RAD51B: variants seen among roughly 807,000 people sequenced by gnomAD.
RAD51B encodes RAD51 paralog B, also known as DNA repair protein RAD51 homolog 2.
A neutral mutation model predicts 42.2 loss-of-function variants in RAD51B; 38 were observed. That is an observed-to-expected ratio of 0.90 (90% CI 0.70 to 1.18). The LOEUF (loss-of-function observed/expected upper bound fraction) is 1.18. RAD51B is among the 50% of genes most tolerant of loss of function. RAD51B has a pLI of 0.00. For missense variants in RAD51B, 373 were observed against 400.7 expected, an observed-to-expected ratio of 0.93 and a Z score of 0.59; for synonymous variants, 154 against 145.2, an observed-to-expected ratio of 1.06 and a Z score of -0.43.
At chr14:68,418,554 G>A (rs963458262) in intron 9 of RAD51B, among the ~76,000 whole-genome samples, 2 of 152,244 alleles carry the variant, frequency 1.3e-5, no homozygotes, top group Non-Finnish European at 2.9e-5. Flanking sequence ...TACCTGGGCA[G>A]GAGATTTCTA....
chr14:68,153,190 A>G (rs987630811), intron 7 of RAD51B, among the ~76,000 whole-genome samples: 7 of 152,238 alleles, frequency 4.6e-5, no homozygotes, highest in African/African-American at 2.4e-5. Context: ...AACCTTAACA[A>G]TAGTCTTACA....
chr14:68,216,284 T>G (rs117966512), intron 7 of RAD51B, among the ~76,000 whole-genome samples: 2 of 152,314 alleles, frequency 1.3e-5, no homozygotes, highest in Non-Finnish European at 2.9e-5. Flanking sequence ...AACACTTGAC[T>G]CATGCGTTGC....
At chr14:68,327,272 T>C (rs1223667758) in intron 8 of RAD51B, among the ~76,000 whole-genome samples, 3 of 152,170 alleles carry the variant, frequency 2.0e-5, no homozygotes, top group Non-Finnish European at 4.4e-5. Context: ...GTCATTAGTT[T>C]GACCTCCCGC....
At chr14:68,367,505 G>A (rs1594736986) in intron 8 of RAD51B, among the ~76,000 whole-genome samples, 1 of 152,314 alleles carries the variant, frequency 6.6e-6, no homozygotes, top group East Asian at 1.9e-4. Flanking sequence ...GTATAAAGTA[G>A]AGCAAGGCTG....
chr14:68,064,997 A>T (rs935140360), intron 7 of RAD51B, among the ~76,000 whole-genome samples: 2 of 151,700 alleles, frequency 1.3e-5, no homozygotes, highest in Admixed American at 1.3e-4. Context: ...ATTACTGGGG[A>T]ATTGTGTCTC....
At chr14:68,664,220 G>A in intron 11 of RAD51B, among the ~76,000 whole-genome samples, 1 of 152,106 alleles carries the variant, frequency 6.6e-6, no homozygotes, top group East Asian at 1.9e-4. Context: ...TACTCTAGGA[G>A]GCTGTAGTTA....
At chr14:68,646,720 G>A (rs1020938871) in intron 10 of RAD51B, among the ~76,000 whole-genome samples, 5 of 152,062 alleles carry the variant, frequency 3.3e-5, no homozygotes, top group East Asian at 1.9e-4. Flanking sequence ...ACATTTAACC[G>A]TCTAAACTAT....
At chr14:68,542,338 G>A (rs2140369558) in intron 10 of RAD51B, among the ~76,000 whole-genome samples, 1 of 152,308 alleles carries the variant, frequency 6.6e-6, no homozygotes, top group South Asian at 2.1e-4. Flanking sequence ...TAAGGGCAGT[G>A]TCAATGCTAT....
intron 7 of RAD51B, among the ~76,000 whole-genome samples, chr14:67,946,590 A>G (rs926181412): frequency 1.3e-5 from 2 of 151,400 alleles, no homozygotes; most frequent in African/African-American, 2.4e-5. Context: ...CTGGTCTTGA[A>G]CTCCTGACCT....
intron 9 of RAD51B, among the ~76,000 whole-genome samples, chr14:68,446,677 A>G (rs989775040): frequency 2.6e-5 from 4 of 152,136 alleles, no homozygotes; most frequent in Non-Finnish European, 5.9e-5. Context: ...ATATGAAGGA[A>G]CTCACCTCAG....
At chr14:67,822,592 G>A (rs1273130218) in intron 1 of RAD51B, among the ~76,000 whole-genome samples, 6 of 152,038 alleles carry the variant, frequency 3.9e-5, no homozygotes, top group African/African-American at 1.4e-4. Flanking sequence ...ACATGGTGGT[G>A]CACGCTTGTG....
intron 7 of RAD51B, among the ~76,000 whole-genome samples, chr14:67,980,306 G>T (rs558136062): frequency 6.6e-6 from 1 of 152,106 alleles, no homozygotes; most frequent in African/African-American, 2.4e-5. Flanking sequence ...TTAGCTGGGC[G>T]TGCTGGCGGG....
At chr14:68,154,886 A>G (rs530676094) in intron 7 of RAD51B, among the ~76,000 whole-genome samples, 6 of 152,342 alleles carry the variant, frequency 3.9e-5, no homozygotes, top group African/African-American at 1.2e-4. Context: ...TGGTAGTTCT[A>G]GAAATGACCA....
intron 9 of RAD51B, among the ~76,000 whole-genome samples, chr14:68,466,666 G>A (rs534425287): frequency 2.0e-4 from 30 of 152,276 alleles, no homozygotes; most frequent in Admixed American, 5.9e-4. Flanking sequence ...TGGAGGGCAC[G>A]CAGTTTTCTT....
chr14:67,932,845 G>T (rs2044789981), intron 7 of RAD51B, among the ~76,000 whole-genome samples: 1 of 152,200 alleles, frequency 6.6e-6, no homozygotes, highest in Non-Finnish European at 1.5e-5. Flanking sequence ...CACACCACCA[G>T]TGGGGGCACA....
At chr14:68,360,336 G>GCTAC (rs755266294) in intron 8 of RAD51B, among the ~76,000 whole-genome samples, 1 of 152,208 alleles carries the variant, frequency 6.6e-6, no homozygotes, top group Non-Finnish European at 1.5e-5. Context: ...GCCATAAAAG[G>GCTAC]CTACCCTAAG....
chr14:68,636,498 G>A (rs907401808), intron 10 of RAD51B, among the ~76,000 whole-genome samples: 4 of 148,500 alleles, frequency 2.7e-5, no homozygotes, highest in Admixed American at 6.9e-5. Flanking sequence ...CAGAAGAATC[G>A]CTTGAACCCA....
intron 7 of RAD51B, among the ~76,000 whole-genome samples, chr14:67,900,085 G>C (rs2043558782): frequency 6.6e-6 from 1 of 152,114 alleles, no homozygotes; most frequent in African/African-American, 2.4e-5. Context: ...TTTATGCTTT[G>C]ATTGCTGCTT....
rs185615387 is a variant in RAD51B, at chr14:68,168,550, T to C, written c.757-123334T>C. ...AGCATTCAATTTGAAAATCTAATCATATCATCTAAATATCATTAAGTAATA... is the reference window on the plus strand; with the variant it reads ...AGCATTCAATTTGAAAATCTAATCACATCATCTAAATATCATTAAGTAATA... On this transcript the variant is annotated intron_variant, in intron 7 of 10. Coordinates refer to ENST00000471583, the MANE Select transcript of RAD51B (RefSeq NM_133510.4). Among the ~76,000 whole-genome samples the C allele has an allele frequency of 4.6e-5, 7 of 152,268 alleles. 1 individual carries two copies. Among genetic ancestry groups the C allele is most frequent in the Middle Eastern group, 3.4e-3 (1 of 294 alleles).
Sources: allele counts gnomAD v4.1 joint callset (sites outside exome capture counted in the v4.1 genomes callset), GRCh38; gene constraint gnomAD v4.1.1; transcripts MANE v1.5; gene names NCBI Gene and HGNC (gene_info 2026-07-23, HGNC 2026-07-21).